The following TMEM108 variants were observed in gnomAD, a reference collection of about 807,000 sequenced individuals.
TMEM108 encodes cancer/testis antigen 124.
Under a neutral mutation model 35.1 loss-of-function variants are expected in TMEM108, and 12 were observed. That is an observed-to-expected ratio of 0.34 (90% CI 0.22 to 0.55). The LOEUF (loss-of-function observed/expected upper bound fraction) is 0.55, where lower values mean the gene tolerates loss of function less well. Among genes scored for constraint, TMEM108 ranks in the 20% least tolerant of loss-of-function variants. The pLI is 0.89. For synonymous variants in TMEM108, 287 were observed against 308.6 expected (o/e 0.93, Z 0.73); for missense variants, 680 against 753.3 (o/e 0.90, Z 1.14).
chr3:133,184,116 G>A (rs1945386836), intron 2 of TMEM108, among the ~76,000 whole-genome samples: 1 of 152,174 alleles, frequency 6.6e-6, no homozygotes, highest in Non-Finnish European at 1.5e-5. Flanking sequence ...TATATGAAGA[G>A]GGGATGCTAT....
intron 3 of TMEM108, among the ~76,000 whole-genome samples, chr3:133,270,826 C>T (rs1182064099): frequency 6.6e-6 from 1 of 151,354 alleles, no homozygotes; most frequent in African/African-American, 2.4e-5. Flanking sequence ...CACACTCACA[C>T]ACTCACACAC....
chr3:133,389,231 C>G (rs1010892825), intron 4 of TMEM108: 2 of 985,562 alleles, frequency 2.0e-6, no homozygotes, highest in Non-Finnish European at 2.4e-6. Flanking sequence ...TCAACAATAT[C>G]GAGACATAAT....
chr3:133,073,510 C>CTCTCTCTATATATATA, intron 2 of TMEM108, among the ~76,000 whole-genome samples: 163 of 43,840 alleles, frequency 3.7e-3, no homozygotes, highest in Admixed American at 6.0e-3. Flanking sequence ...CTCTCTCTCT[C>CTCTCTCTATATATATA]TATATATATA....
chr3:133,188,170 A>G (rs1366797155), intron 2 of TMEM108, among the ~76,000 whole-genome samples: 3 of 152,246 alleles, frequency 2.0e-5, no homozygotes, highest in African/African-American at 7.2e-5. Context: ...TAAGCCAAGC[A>G]GCTCTGACAT....
chr3:133,133,144 A>C (rs561790726), intron 2 of TMEM108, among the ~76,000 whole-genome samples: 2 of 127,206 alleles, frequency 1.6e-5, no homozygotes, highest in East Asian at 4.2e-4. Context: ...AATATTACAT[A>C]AACTTAGTTG....
chr3:133,123,189 G>A (rs568619160), intron 2 of TMEM108, among the ~76,000 whole-genome samples: 8 of 152,074 alleles, frequency 5.3e-5, no homozygotes, highest in Non-Finnish European at 1.0e-4. Context: ...ATTTTTAATG[G>A]CTATATTGTA....
In TMEM108 at chr3:133,397,298, T is replaced by C. The variant is rs1164024206; in HGVS notation, c.*1312T>C. On this transcript the variant is annotated 3_prime_UTR_variant, in exon 6 of 6. Coordinates refer to ENST00000321871, the MANE Select transcript of TMEM108 (RefSeq NM_023943.4). ...TATATTTTGAATATAGATGCTCTTA[T>C]AGTCAGATTGGGAATTGAACTTGAA... 1 of 152,164 alleles carries C rather than the reference T, an allele frequency of 6.6e-6. No homozygotes were observed. Among genetic ancestry groups the C allele is most frequent in the African/African-American group, 2.4e-5 (1 of 41,422 alleles). 9.4% of individuals were successfully genotyped at this position (152,164 alleles called of 1,614,324 possible).
At chr3:133,330,942 A>G (rs892288924) in intron 3 of TMEM108, among the ~76,000 whole-genome samples, 30 of 152,334 alleles carry the variant, frequency 2.0e-4, no homozygotes, top group African/African-American at 7.2e-4. Context: ...AAATAAATAT[A>G]TAAAATAGTT....
chr3:133,208,645 C>A (rs1945792161), intron 2 of TMEM108, among the ~76,000 whole-genome samples: 1 of 152,160 alleles, frequency 6.6e-6, no homozygotes, highest in Non-Finnish European at 1.5e-5. Context: ...TTCTCCCCTC[C>A]TCTAGAAGAC....
At chr3:133,066,569 G>T (rs893805416) in intron 2 of TMEM108, among the ~76,000 whole-genome samples, 1 of 152,082 alleles carries the variant, frequency 6.6e-6, no homozygotes, top group Admixed American at 6.6e-5. Flanking sequence ...ATTTAAAAAG[G>T]ACCTCTATTC....
intron 2 of TMEM108, among the ~76,000 whole-genome samples, chr3:133,084,488 T>A (rs1176257060): frequency 6.6e-6 from 1 of 151,706 alleles, no homozygotes; most frequent in Non-Finnish European, 1.5e-5. Context: ...TAAAGATAGT[T>A]CATAGGAGAA....
chr3:133,299,195 C>T (rs1452994816), intron 3 of TMEM108, among the ~76,000 whole-genome samples: 1 of 152,144 alleles, frequency 6.6e-6, no homozygotes, highest in East Asian at 1.9e-4. Flanking sequence ...ATTACTGTCT[C>T]CTGGTTGACT....
intron 3 of TMEM108, among the ~76,000 whole-genome samples, chr3:133,243,607 G>A (rs1461939637): frequency 2.6e-5 from 4 of 152,054 alleles, no homozygotes; most frequent in South Asian, 2.1e-4. Flanking sequence ...TGCAAGCTCC[G>A]CCTCCTGGGT....
At chr3:133,281,458 A>G (rs1455704018) in intron 3 of TMEM108, among the ~76,000 whole-genome samples, 2 of 152,258 alleles carry the variant, frequency 1.3e-5, no homozygotes, top group African/African-American at 4.8e-5. Flanking sequence ...GGTAGACACC[A>G]TACACAGCTA....
intron 2 of TMEM108, among the ~76,000 whole-genome samples, chr3:133,149,042 T>C (rs1944760669): frequency 6.6e-6 from 1 of 151,914 alleles, no homozygotes; most frequent in Admixed American, 6.6e-5. Flanking sequence ...ATATTTAACC[T>C]AGCTTATATA....
intron 3 of TMEM108, among the ~76,000 whole-genome samples, chr3:133,231,389 C>T (rs1946151230): frequency 6.6e-6 from 1 of 152,108 alleles, no homozygotes; most frequent in Non-Finnish European, 1.5e-5. Flanking sequence ...TTAGCAGAAC[C>T]TACTGTCTCC....
chr3:133,040,202 GTTTGTTTTTTT>G (rs1470553892), intron 1 of TMEM108, among the ~76,000 whole-genome samples: 1 of 119,692 alleles, frequency 8.4e-6, no homozygotes, highest in Non-Finnish European at 1.8e-5. Context: ...TTGTTTGTTT[GTTTGTTTTTTT>G]TTTTTTTTGA....
chr3:133,066,776 C>T (rs567975068), intron 2 of TMEM108, among the ~76,000 whole-genome samples: 9 of 152,272 alleles, frequency 5.9e-5, no homozygotes, highest in African/African-American at 2.2e-4. Context: ...CCTTTGAAGC[C>T]CCCAATGTGC....
chr3:133,044,302 A>C (rs1216776242), intron 1 of TMEM108, among the ~76,000 whole-genome samples: 1 of 152,116 alleles, frequency 6.6e-6, no homozygotes, highest in African/African-American at 2.4e-5. Flanking sequence ...TTGTTTGGAA[A>C]ATAAGGGGAG....
Sources: allele counts gnomAD v4.1 joint callset (sites outside exome capture counted in the v4.1 genomes callset), GRCh38; gene constraint gnomAD v4.1.1; transcripts MANE v1.5; gene names NCBI Gene and HGNC (gene_info 2026-07-23, HGNC 2026-07-21).